The following TDRP variants were observed in gnomAD, a reference collection of about 807,000 sequenced individuals.
The protein encoded by TDRP is testis development related protein.
In TDRP, 12 loss-of-function variants were observed where a neutral mutation model predicts 10.5. The observed-to-expected ratio is 1.15, with a 90% CI of 0.73 to 1.86. TDRP has a LOEUF of 1.86. Among genes scored for constraint, TDRP ranks in the 40% most tolerant of loss-of-function variants. The pLI, the probability that TDRP is intolerant of heterozygous loss-of-function variation, is 0.00. For missense variants in TDRP, 353 were observed against 229.2 expected (o/e 1.54, Z -3.49); for synonymous variants, 139 against 95.4 (o/e 1.46, Z -2.67).
At chr8:516,653 G>A in intron 1 of TDRP, among the ~76,000 whole-genome samples, 1 of 152,134 alleles carries the variant, frequency 6.6e-6, no homozygotes. Context: ...GTTCACTGCT[G>A]GTGGGAAAAT....
chr8:515,376 G>C (rs1041179352), intron 1 of TDRP, among the ~76,000 whole-genome samples: 1 of 152,194 alleles, frequency 6.6e-6, no homozygotes, highest in African/African-American at 2.4e-5. Flanking sequence ...TGAAAGTACA[G>C]TTTGAGTGCC....
chr8:541,075 T>C (rs1802477502), intron 1 of TDRP, among the ~76,000 whole-genome samples: 3 of 152,220 alleles, frequency 2.0e-5, no homozygotes, highest in African/African-American at 7.2e-5. Context: ...CTTTAAAATT[T>C]TGTAGGCAGA....
At chr8:531,737 CT>C (rs1802203918) in intron 1 of TDRP, among the ~76,000 whole-genome samples, 1 of 152,158 alleles carries the variant, frequency 6.6e-6, no homozygotes, top group Admixed American at 6.5e-5. Context: ...CACTATAAAA[CT>C]TTATTTTGAA....
chr8:535,087 G>C (rs1802311118), intron 1 of TDRP, among the ~76,000 whole-genome samples: 1 of 152,128 alleles, frequency 6.6e-6, no homozygotes, highest in Non-Finnish European at 1.5e-5. Flanking sequence ...TAACATTTTT[G>C]TACAGAATAT....
At chr8:497,195 T>C (rs1313178304) in intron 1 of TDRP, among the ~76,000 whole-genome samples, 5 of 152,080 alleles carry the variant, frequency 3.3e-5, no homozygotes. Context: ...GACTGGAAGA[T>C]GTGGGAATGT....
Position 511,230 on chromosome 8 carries a change from A to G in TDRP, c.109-16633T>C, listed in dbSNP as rs1801608584. On this transcript the variant is annotated intron_variant, in intron 1 of 2. Coordinates refer to ENST00000324079, the MANE Select transcript of TDRP (RefSeq NM_001384899.1). ...AATACAATCCAACTAAATACTGCCT[A>G]TAGGAGACACACTTTAGAATCAAAG... Among the ~76,000 whole-genome samples the G allele has an allele frequency of 2.0e-5, 3 of 152,236 alleles. No individual in the cohort carries two copies. The South Asian group carries it at 6.2e-4, about 32-fold the overall frequency.
chr8:492,790 G>T (rs1468425830), intron 2 of TDRP, 46 bp from the exon 3 acceptor site: 2 of 1,388,254 alleles, frequency 1.4e-6, no homozygotes, highest in East Asian at 2.4e-5. Flanking sequence ...AGGTCTTAGG[G>T]CCTCAAGCTT....
chr8:500,810 G>A (rs918214199), intron 1 of TDRP, among the ~76,000 whole-genome samples: 1 of 152,184 alleles, frequency 6.6e-6, no homozygotes, highest in Non-Finnish European at 1.5e-5. Flanking sequence ...AGCACAGCAA[G>A]GCTGAACAGT....
In TDRP at chr8:513,055, G is replaced by C. The variant is rs780645891; in HGVS notation, c.109-18458C>G. Among the ~76,000 whole-genome samples the C allele has an allele frequency of 1.1e-4, 16 of 150,790 alleles. 1 individual carries two copies. Among genetic ancestry groups the C allele is most frequent in the African/African-American group, 1.7e-4 (7 of 40,984 alleles). On this transcript the variant is annotated intron_variant, in intron 1 of 2. Coordinates refer to ENST00000324079, the MANE Select transcript of TDRP (RefSeq NM_001384899.1). ...GAAAAGCTCAGGCCCAGATATGTTTGCTACTAAATCCTACCAACTATTTAA... is the reference window on the plus strand; with the variant it reads ...GAAAAGCTCAGGCCCAGATATGTTTCCTACTAAATCCTACCAACTATTTAA...
In TDRP at chr8:490,923, G is replaced by T; in HGVS notation, c.*1476C>A. 6.6e-6 allele frequency: 1 copy of T among 151,904 alleles called. No homozygotes were observed. Among genetic ancestry groups the T allele is most frequent in the East Asian group, 1.9e-4 (1 of 5,186 alleles). 9.4% of individuals were successfully genotyped at this position (151,904 alleles called of 1,614,324 possible). A position where few individuals can be genotyped will look rare whatever the true frequency, so the allele number is the denominator to read the frequency against. ...ATTGACAGAAGGCTAGATGGATGTA[G>T]ACTGAGAGAAGACAGACATAGAGGA... On this transcript the variant is annotated 3_prime_UTR_variant, in exon 3 of 3. Coordinates refer to ENST00000324079, the MANE Select transcript of TDRP (RefSeq NM_001384899.1).
intron 1 of TDRP, among the ~76,000 whole-genome samples, chr8:519,363 T>C (rs777021592): frequency 8.5e-5 from 13 of 152,128 alleles, no homozygotes; most frequent in South Asian, 2.1e-4. Flanking sequence ...CTGTAAACTA[T>C]TGGACATGAC....
At chr8:503,764 C>A (rs147572858) in intron 1 of TDRP, among the ~76,000 whole-genome samples, 1 of 148,936 alleles carries the variant, frequency 6.7e-6, no homozygotes, top group East Asian at 2.1e-4. Context: ...CGCATCAACA[C>A]GGAATCCAGA....
intron 1 of TDRP, among the ~76,000 whole-genome samples, chr8:499,296 TC>T (rs1258972013): frequency 6.6e-6 from 1 of 152,182 alleles, no homozygotes. Context: ...CTGGCCTACT[TC>T]CTTACAAGAA....
rs767372909 is a variant in TDRP at position 492,392 on chromosome 8, G to A, written c.*7C>T. 11 of 1,509,170 alleles carry A rather than the reference G, an allele frequency of 7.3e-6. No individual in the cohort carries two copies. The East Asian group carries it at 9.4e-5, about 13-fold the overall frequency. 93.5% of individuals were successfully genotyped at this position (1,509,170 alleles called of 1,614,324 possible). Reference sequence around the variant, plus strand: ...CATGTCGGGGCACACTTGCCACGCAGCCCCCCTCACTCCGCCTCCTCCGGG... The same window carrying A: ...CATGTCGGGGCACACTTGCCACGCAACCCCCCTCACTCCGCCTCCTCCGGG... On this transcript the variant is annotated 3_prime_UTR_variant, in exon 3 of 3. Coordinates refer to ENST00000324079, the MANE Select transcript of TDRP (RefSeq NM_001384899.1).
intron 1 of TDRP, among the ~76,000 whole-genome samples, chr8:510,983 C>A (rs535847030): frequency 1.3e-5 from 2 of 152,140 alleles, no homozygotes; most frequent in Admixed American, 6.5e-5. Flanking sequence ...CTACATCAGG[C>A]TAAGAAATCG....
At chr8:509,485 TG>T (rs1261088877) in intron 1 of TDRP, among the ~76,000 whole-genome samples, 2 of 152,188 alleles carry the variant, frequency 1.3e-5, no homozygotes, top group South Asian at 4.1e-4. Context: ...AGCCAAGGAT[TG>T]GGGCTTGCAC....
At chr8:527,423 T>G (rs1253014030) in intron 1 of TDRP, among the ~76,000 whole-genome samples, 1 of 151,866 alleles carries the variant, frequency 6.6e-6, no homozygotes, top group Non-Finnish European at 1.5e-5. Context: ...TCCTAAAATG[T>G]ATATGGAATC....
chr8:520,008 G>A (rs760121681), intron 1 of TDRP, among the ~76,000 whole-genome samples: 1 of 152,226 alleles, frequency 6.6e-6, no homozygotes, highest in African/African-American at 2.4e-5. Flanking sequence ...GAATGGGAAA[G>A]AAAGGGAATG....
At chr8:538,611 C>T (rs545591818) in intron 1 of TDRP, among the ~76,000 whole-genome samples, 2 of 151,804 alleles carry the variant, frequency 1.3e-5, no homozygotes, top group African/African-American at 4.8e-5. Context: ...TCAATCAAGG[C>T]TCACCAGAAA....
Sources: gnomAD v4.1 joint callset for allele counts (sites outside exome capture counted in the v4.1 genomes callset) on GRCh38, gnomAD v4.1.1 for gene constraint, MANE v1.5 for transcripts, NCBI Gene and HGNC (gene_info 2026-07-23, HGNC 2026-07-21) for gene names.